Variants in CPEB4 observed in about 807,000 individuals in gnomAD.
CPEB4 encodes the protein cytoplasmic polyadenylation element-binding protein 4.
CPEB4 carries 12 observed loss-of-function variants against 72.5 expected under a neutral mutation model. The ratio of observed to expected loss-of-function variants is 0.17; its 90% CI spans 0.11 to 0.27. The LOEUF (loss-of-function observed/expected upper bound fraction) is 0.27. CPEB4 is among the 10% of genes least tolerant of loss of function. The probability of loss-of-function intolerance (pLI) is 1.00; values close to 1 mark genes in which losing one functional copy is unlikely to be tolerated. For missense variants in CPEB4, 614 were observed against 908.5 expected, an observed-to-expected ratio of 0.68 and a Z score of 4.17; for synonymous variants, 302 against 326.3, an observed-to-expected ratio of 0.93 and a Z score of 0.80.
At chr5:173,952,062 CTGGGT>C in intron 8 of CPEB4, 124 bp downstream of exon 8, 1 of 681,630 alleles carries the variant, frequency 1.5e-6, no homozygotes, top group Non-Finnish European at 2.6e-6. Flanking sequence ...ATCAAAATAT[CTGGGT>C]TTGAATTCAT....
intron 4 of CPEB4, among the ~76,000 whole-genome samples, chr5:173,944,624 G>T (rs1561629731): frequency 6.6e-6 from 1 of 152,138 alleles, no homozygotes. Flanking sequence ...TGTCTAGGTT[G>T]CCAATAGCCA....
intron 5 of CPEB4, among the ~76,000 whole-genome samples, chr5:173,948,424 A>C (rs151109123): frequency 5.3e-5 from 8 of 152,274 alleles, no homozygotes; most frequent in African/African-American, 1.9e-4. Flanking sequence ...AATCCCAGCT[A>C]CTTGGGAAGT....
chr5:173,941,373 T>G (rs1357508827), intron 3 of CPEB4, among the ~76,000 whole-genome samples: 1 of 152,214 alleles, frequency 6.6e-6, no homozygotes, highest in Non-Finnish European at 1.5e-5. Flanking sequence ...GGAGATTGTA[T>G]GTTGTGTGAA....
At chr5:173,913,913 C>T (rs957220144) in intron 2 of CPEB4, among the ~76,000 whole-genome samples, 26 of 152,156 alleles carry the variant, frequency 1.7e-4, no homozygotes, top group Admixed American at 1.6e-3. Flanking sequence ...TAGATTTCAG[C>T]GTATTGCCTA....
chr5:173,909,966 C>T (rs1020636796), intron 1 of CPEB4, among the ~76,000 whole-genome samples: 6 of 150,698 alleles, frequency 4.0e-5, no homozygotes, highest in Non-Finnish European at 7.4e-5. Flanking sequence ...CACCACTGTA[C>T]TCCAGCCTGG....
intron 2 of CPEB4, among the ~76,000 whole-genome samples, chr5:173,924,863 C>T (rs1374318591): frequency 6.6e-6 from 1 of 152,134 alleles, no homozygotes. Context: ...GGGTAGCACA[C>T]CCAAAATCCA....
At chr5:173,936,768 C>G (rs914412647) in intron 3 of CPEB4, among the ~76,000 whole-genome samples, 1 of 151,458 alleles carries the variant, frequency 6.6e-6, no homozygotes. Context: ...TTTATTTTAC[C>G]TAAGAAACCA....
In CPEB4 at chr5:173,959,310, C is replaced by G. The variant is rs573333590; in HGVS notation, c.*3173C>G. 1.3e-5 allele frequency: 2 copies of G among 152,866 alleles called. No individual in the cohort carries two copies. Among genetic ancestry groups the G allele is most frequent in the Admixed American group, 1.3e-4 (2 of 15,294 alleles). The allele number at this position is 152,866 out of a possible 1,614,324, so 9.5% of individuals were successfully genotyped here. The stretch of plus-strand genomic sequence containing the variant: ...TATGTAAAGGAACCCTCTCCTTTCC[C>G]CTTCTGGTCCCTGCGCTTTGGTATA... On this transcript the variant is annotated 3_prime_UTR_variant, in exon 10 of 10. Coordinates refer to ENST00000265085, the MANE Select transcript of CPEB4 (RefSeq NM_030627.4).
At chr5:173,903,461 C>G (rs532466732) in intron 1 of CPEB4, among the ~76,000 whole-genome samples, 1 of 152,198 alleles carries the variant, frequency 6.6e-6, no homozygotes, top group Non-Finnish European at 1.5e-5. Flanking sequence ...CCGTGGTTCT[C>G]AAAGAGTAAT....
chr5:173,949,706 G>T (rs1438669293), intron 6 of CPEB4, 109 bp downstream of exon 6: 1 of 779,646 alleles, frequency 1.3e-6, no homozygotes, highest in Non-Finnish European at 2.1e-6. Context: ...TGTTAAACTT[G>T]CATTTTCCCA....
chr5:173,953,645 T>C (rs1451118900), intron 9 of CPEB4, among the ~76,000 whole-genome samples: 1 of 152,170 alleles, frequency 6.6e-6, no homozygotes. Context: ...TCCTGCCCTT[T>C]TTTTTGTTTG....
Position 173,949,611 on chromosome 5 carries a change from T to A in CPEB4, c.1546+14T>A. ...TTCCTCCTAAAGGTAATTCTCAAGA[T>A]TCATTATACTTATGTAATTTATTCT... On this transcript the variant is annotated intron_variant, in intron 6 of 9. Transcript: ENST00000265085. The A allele has an allele frequency of 6.6e-7, 1 of 1,508,924 alleles. No homozygotes were observed. Among genetic ancestry groups the A allele is most frequent in the Non-Finnish European group, 9.2e-7 (1 of 1,087,542 alleles). 93.5% of individuals were successfully genotyped at this position (1,508,924 alleles called of 1,614,324 possible). A position where few individuals can be genotyped will look rare whatever the true frequency, so the allele number is the denominator to read the frequency against.
chr5:173,926,312 C>T (rs1757239683), intron 2 of CPEB4, among the ~76,000 whole-genome samples: 1 of 152,136 alleles, frequency 6.6e-6, no homozygotes, highest in African/African-American at 2.4e-5. Flanking sequence ...GGTCTTTTCT[C>T]CTTTTATTTT....
intron 4 of CPEB4, among the ~76,000 whole-genome samples, chr5:173,944,572 G>T (rs968641342): frequency 2.6e-5 from 4 of 151,992 alleles, no homozygotes; most frequent in East Asian, 3.9e-4. Context: ...AGAAATGTAA[G>T]TGATTCAATG....
chr5:173,948,527 G>A (rs947431899), intron 5 of CPEB4, among the ~76,000 whole-genome samples: 2 of 152,148 alleles, frequency 1.3e-5, no homozygotes, highest in African/African-American at 4.8e-5. Context: ...CTCATGGTAG[G>A]AAAGGATGGC....
chr5:173,890,459 T>C lies in CPEB4; in HGVS notation c.726T>C (p.His242=). 6.2e-7 allele frequency: 1 copy of C among 1,612,182 alleles called. No homozygotes were observed. Among genetic ancestry groups the C allele is most frequent in the African/African-American group, 1.3e-5 (1 of 74,952 alleles). The change falls in exon 1 of 10, where the codon CAT becomes CAC. Residue 242 remains histidine, a synonymous_variant. Transcript: ENST00000265085. ...CACATCACCCTCATTTCCAGCATCA[T>C]CACAGCCAGCATCAGCAGCAAAGGA... ...HHPHHPHFQH[H]HSQHQQQRRS...
At chr5:173,926,964 C>T (rs900813653) in intron 2 of CPEB4, among the ~76,000 whole-genome samples, 2 of 151,948 alleles carry the variant, frequency 1.3e-5, no homozygotes, top group Admixed American at 1.3e-4. Context: ...GCCTGGCCAA[C>T]ATGGTGAAAC....
chr5:173,910,418 A>G (rs148319555), intron 1 of CPEB4, 105 bp from the exon 2 acceptor site: 2 of 769,990 alleles, frequency 2.6e-6, no homozygotes, highest in African/African-American at 1.7e-5. Context: ...CATAGAGAGT[A>G]AAATTGCTAC....
chr5:173,888,829 C>T lies in CPEB4; in HGVS notation c.-905C>T, dbSNP rs1273107297. On this transcript the variant is annotated 5_prime_UTR_variant, in exon 1 of 10. Coordinates refer to ENST00000265085, the MANE Select transcript of CPEB4 (RefSeq NM_030627.4). This position sits in a 1 kb window ranked among gnomAD's most constrained non-coding sequence, Gnocchi z 4.3. Reference sequence around the variant, plus strand: ...CGCAGGACCTTCCAGGTCGCCCCCTCGGTCCCCGCACCCCCAGGCCGCCCG... The same window carrying T: ...CGCAGGACCTTCCAGGTCGCCCCCTTGGTCCCCGCACCCCCAGGCCGCCCG... The T allele has an allele frequency of 1.9e-5, 6 of 312,092 alleles. No homozygotes were observed. The East Asian group carries it at 2.9e-4, about 15-fold the overall frequency. The allele number at this position is 312,092 out of a possible 1,614,324, so 19.3% of individuals were successfully genotyped here.
Sources: allele counts gnomAD v4.1 joint callset (sites outside exome capture counted in the v4.1 genomes callset), GRCh38; gene constraint gnomAD v4.1.1; non-coding constraint Gnocchi (gnomAD v3.1); transcripts MANE v1.5; gene names NCBI Gene and HGNC (gene_info 2026-07-23, HGNC 2026-07-21).